Variants in MYO7A observed in about 807,000 individuals in gnomAD.
MYO7A encodes the protein myosin VIIA.
MYO7A carries 210 observed loss-of-function variants against 263.8 expected under a neutral mutation model. The ratio of observed to expected loss-of-function variants is 0.80; its 90% CI spans 0.71 to 0.89. The LOEUF is 0.89. Among genes scored for constraint, MYO7A ranks in the 40% least tolerant of loss-of-function variants. MYO7A has a pLI of 0.00. For synonymous variants in MYO7A, 1,239 were observed against 1,197.3 expected (o/e 1.03, Z -0.72); for missense variants, 2,820 against 2,968.3 (o/e 0.95, Z 1.16).
At chr11:77,186,830 T>C (rs1955679605) in intron 27 of MYO7A, among the ~76,000 whole-genome samples, 1 of 152,266 alleles carries the variant, frequency 6.6e-6, no homozygotes, top group South Asian at 2.1e-4. Context: ...GTTGGTTAAC[T>C]GCTTTGCACA....
chr11:77,201,411 C>G, intron 35 of MYO7A, 37 bp from the exon 36 acceptor site: 1 of 1,588,912 alleles, frequency 6.3e-7, no homozygotes. Context: ...CTCAGCCTGT[C>G]TCTGCCCCCA....
At chr11:77,208,962 C>T (rs1957676213) in intron 44 of MYO7A, 159 bp downstream of exon 44, 1 of 626,696 alleles carries the variant, frequency 1.6e-6, no homozygotes, top group East Asian at 2.7e-5. Context: ...AAGGGATGGC[C>T]CAACCCCTGA....
intron 38 of MYO7A, among the ~76,000 whole-genome samples, chr11:77,203,647 G>A (rs1016809859): frequency 9.2e-5 from 14 of 152,176 alleles, no homozygotes; most frequent in East Asian, 3.9e-4. Context: ...AAAGGGGAGG[G>A]AGGGGGAGTG....
intron 2 of MYO7A, among the ~76,000 whole-genome samples, chr11:77,133,502 C>T (rs1253857505): frequency 1.3e-5 from 2 of 152,188 alleles, no homozygotes; most frequent in African/African-American, 4.8e-5. Flanking sequence ...TTTGACTTAA[C>T]ATCTATGTCT....
chr11:77,173,671 C>G (rs1954351078), intron 16 of MYO7A, among the ~76,000 whole-genome samples: 1 of 152,102 alleles, frequency 6.6e-6, no homozygotes, highest in East Asian at 1.9e-4. Flanking sequence ...GCCTCGGGAT[C>G]TGGGGAGGGA....
intron 14 of MYO7A, among the ~76,000 whole-genome samples, chr11:77,164,191 C>T (rs1251106816): frequency 3.3e-5 from 5 of 152,128 alleles, no homozygotes; most frequent in African/African-American, 9.7e-5. Flanking sequence ...ACAGGCTTAT[C>T]TCACCTGGAA....
rs1951694088 is a variant in MYO7A, at chr11:77,147,947, C to T, written c.282C>T (p.Ile94=). 2 of 1,547,430 alleles carry T rather than the reference C, an allele frequency of 1.3e-6. No homozygotes were observed. The highest frequency in any genetic ancestry group is 2.4e-5 in the South Asian group (2 of 83,848). ...NLLIRYRDHL[I]YTYTGSILVA... is the part of the protein sequence containing the mutation. ...TTATCCGCTACCGGGACCACCTCAT[C>T]TACGTGAGTGCCGCCCCGCCCGGTG... Residue 94 remains isoleucine, a synonymous_variant, in exon 4 of 49, where the codon ATC becomes ATT. Coordinates refer to ENST00000409709, the MANE Select transcript of MYO7A (RefSeq NM_000260.4).
intron 15 of MYO7A, among the ~76,000 whole-genome samples, chr11:77,167,792 G>C (rs1555073576): frequency 6.6e-6 from 1 of 152,094 alleles, no homozygotes; most frequent in African/African-American, 2.4e-5. Context: ...CAGTAGACAG[G>C]GCATGTCAGG....
intron 19 of MYO7A, among the ~76,000 whole-genome samples, chr11:77,178,342 A>G (rs139156906): frequency 7.9e-5 from 8 of 101,518 alleles, no homozygotes; most frequent in East Asian, 2.9e-4. Context: ...TCCACCATCC[A>G]TCCATCCACC....
chr11:77,169,034 A>T (rs1953832629), intron 15 of MYO7A, among the ~76,000 whole-genome samples: 1 of 152,392 alleles, frequency 6.6e-6, no homozygotes, highest in East Asian at 1.9e-4. Context: ...TAGGAAAGAA[A>T]ACATACTTCG....
intron 17 of MYO7A, 99 bp downstream of exon 17, chr11:77,175,013 A>G: frequency 1.4e-5 from 20 of 1,475,898 alleles, no homozygotes; most frequent in Admixed American, 1.9e-5. Context: ...GGGGCTTGAC[A>G]TCTGCTTGAC....
chr11:77,214,567 C>T, intron 48 of MYO7A, 40 bp from the exon 49 acceptor site: 1 of 1,441,090 alleles, frequency 6.9e-7, no homozygotes, highest in Non-Finnish European at 9.6e-7. Context: ...CTGGCCCTGT[C>T]CCACCGTGTG....
chr11:77,145,687 A>G (rs531059665), intron 3 of MYO7A, among the ~76,000 whole-genome samples: 1 of 152,284 alleles, frequency 6.6e-6, no homozygotes, highest in South Asian at 2.1e-4. Context: ...AGGTTCCCTA[A>G]CAGTACCCAC....
intron 13 of MYO7A, among the ~76,000 whole-genome samples, chr11:77,162,568 A>G (rs1391944220): frequency 2.0e-5 from 3 of 152,184 alleles, no homozygotes; most frequent in Non-Finnish European, 4.4e-5. Flanking sequence ...GGTACTCAGG[A>G]CACAGTGTAT....
At chr11:77,182,702 A>C in intron 25 of MYO7A, 102 bp downstream of exon 25, 28 of 1,276,572 alleles carry the variant, frequency 2.2e-5, no homozygotes, top group Non-Finnish European at 3.0e-5. Context: ...GGATCCTATA[A>C]TTCATCTCTG....
chr11:77,171,126 A>G lies in MYO7A; in HGVS notation c.1798-1622A>G, dbSNP rs544368778. On this transcript the variant is annotated intron_variant, in intron 15 of 48. Transcript: ENST00000409709. ...CCAGCAGGGAGGACGGGCAGAAAGC[A>G]GTCGTTTTATTGTGATGACCAAGAC... is the stretch of plus-strand genomic sequence containing the variant. 9.2e-5 allele frequency among the ~76,000 whole-genome samples: 14 copies of G among 152,352 alleles called. No homozygotes were observed. In the South Asian group the frequency reaches 2.7e-3, roughly 29 times the overall value.
Position 77,160,185 on chromosome 11 carries a change from G to A in MYO7A, c.1103G>A (p.Ser368Asn). ...CAGGTGAACCCCCCAGACCTGATGA[G>A]CTGCCTGACTAGCCGCACCCTCATC... ...LLEVNPPDLM[S>N]CLTSRTLITR... The change falls in exon 11 of 49, where the codon AGC (serine) becomes AAC (asparagine). Residue 368 changes from serine to asparagine, a missense_variant. Coordinates refer to ENST00000409709, the MANE Select transcript of MYO7A (RefSeq NM_000260.4). 6.4e-7 allele frequency: 1 copy of A among 1,567,772 alleles called. No homozygotes were observed. The highest frequency in any genetic ancestry group is 8.6e-7 in the Non-Finnish European group (1 of 1,157,246).
rs1442323017 is a variant in MYO7A, at chr11:77,184,360, C to T, written c.3376-228C>T. Among the ~76,000 whole-genome samples the T allele has an allele frequency of 2.6e-5, 4 of 152,264 alleles. No homozygotes were observed. In the East Asian group the frequency reaches 7.7e-4, roughly 29 times the overall value. On this transcript the variant is annotated intron_variant, in intron 26 of 48. Coordinates refer to ENST00000409709, the MANE Select transcript of MYO7A (RefSeq NM_000260.4). ...GGAGGTGGCCAGAGGAGCTCTGTCC[C>T]CAGAAGTGGGTGGCACCGGGCCAGT...
In MYO7A at chr11:77,182,798, A is replaced by G. The variant is rs546687489; in HGVS notation, c.3285+198A>G. ...TTTTATAAACTGTAAAGTGCTGACCATAACTGAGGGGCCTCATGGCAGAGC... is the reference window on the plus strand; with the variant it reads ...TTTTATAAACTGTAAAGTGCTGACCGTAACTGAGGGGCCTCATGGCAGAGC... On this transcript the variant is annotated intron_variant, in intron 25 of 48. Coordinates refer to ENST00000409709, the MANE Select transcript of MYO7A (RefSeq NM_000260.4). 3.6e-3 allele frequency among the ~76,000 whole-genome samples: 545 copies of G among 152,374 alleles called. 3 individuals carry two copies. The highest frequency in any genetic ancestry group is 5.2e-3 in the Non-Finnish European group (357 of 68,042).
Sources: allele counts gnomAD v4.1 joint callset (sites outside exome capture counted in the v4.1 genomes callset), GRCh38; gene constraint gnomAD v4.1.1; transcripts MANE v1.5; gene names NCBI Gene and HGNC (gene_info 2026-07-23, HGNC 2026-07-21).